The following GATA2 variants were observed in gnomAD, a reference collection of about 807,000 sequenced individuals.
The protein encoded by GATA2 is GATA binding protein 2.
GATA2 carries 6 observed loss-of-function variants against 35.7 expected under a neutral mutation model. That is an observed-to-expected ratio of 0.17 (90% CI 0.09 to 0.33). The LOEUF (loss-of-function observed/expected upper bound fraction) is 0.33. Among genes scored for constraint, GATA2 ranks in the 10% least tolerant of loss-of-function variants. GATA2 has a pLI of 1.00. For synonymous variants in GATA2, 313 were observed against 274.9 expected (o/e 1.14, Z -1.37); for missense variants, 541 against 656.6 (o/e 0.82, Z 1.92).
rs2068618258 is a variant in GATA2, at chr3:128,480,966, G to T, written c.*53C>A. On this transcript the variant is annotated 3_prime_UTR_variant, in exon 6 of 6. Transcript: ENST00000341105. Reference sequence around the variant, plus strand: ...CCTTCGGGAAATGCTGGGCTGCTAAGGGTTTGGTCCACCCATCCCGGGAGT... The same window carrying T: ...CCTTCGGGAAATGCTGGGCTGCTAATGGTTTGGTCCACCCATCCCGGGAGT... 6.8e-7 allele frequency: 1 copy of T among 1,480,634 alleles called. No individual in the cohort carries two copies. Among genetic ancestry groups the T allele is most frequent in the Admixed American group, 2.5e-5 (1 of 40,306 alleles). 91.7% of individuals were successfully genotyped at this position (1,480,634 alleles called of 1,614,324 possible).
rs747442262 is a variant in GATA2, at chr3:128,483,846, G to A, written c.1017+14C>T. ...CCCAGCAGCCCCCTCCCAGCCACCT[G>A]TGCCCGCTCCTACCAGTCTTCGCTT... On this transcript the variant is annotated intron_variant, in intron 4 of 5. Transcript: ENST00000341105. 1.6e-5 allele frequency: 26 copies of A among 1,614,034 alleles called. No individual in the cohort carries two copies. The Admixed American group carries it at 3.0e-4, about 19-fold the overall frequency.
chr3:128,491,382 A>G (rs1467640019), intron 1 of GATA2, among the ~76,000 whole-genome samples: 1 of 152,136 alleles, frequency 6.6e-6, no homozygotes, highest in East Asian at 1.9e-4. Flanking sequence ...CCCATTTGCT[A>G]AGGGACTACC....
chr3:128,492,870 C>T (rs1359082355), intron 1 of GATA2, 29 bp downstream of exon 1: 1 of 152,982 alleles, frequency 6.5e-6, no homozygotes, highest in Non-Finnish European at 1.5e-5. Flanking sequence ...GGGCCGGGCC[C>T]AGGGAAGGTG....
intron 1 of GATA2, 34 bp from the exon 2 acceptor site, chr3:128,487,110 A>C: frequency 8.3e-7 from 1 of 1,206,686 alleles, no homozygotes; most frequent in Non-Finnish European, 1.1e-6. Context: ...GCGTGCCGCC[A>C]GCGCCTGACA....
At chr3:128,485,039 G>C (rs769976653) in intron 3 of GATA2, among the ~76,000 whole-genome samples, 5 of 152,242 alleles carry the variant, frequency 3.3e-5, no homozygotes, top group Non-Finnish European at 4.4e-5. Context: ...TCTGTGGCCA[G>C]ATTCTTGGAC....
intron 3 of GATA2, among the ~76,000 whole-genome samples, chr3:128,484,930 CTG>C (rs1242606020): frequency 2.0e-5 from 3 of 152,202 alleles, no homozygotes; most frequent in Non-Finnish European, 4.4e-5. Context: ...TCAGGAGTAA[CTG>C]TTTTAAAAAC....
intron 1 of GATA2, chr3:128,487,892 T>G (rs2068726906): frequency 6.6e-6 from 1 of 152,334 alleles, no homozygotes; most frequent in Non-Finnish European, 1.5e-5. Flanking sequence ...CTCGGCATCC[T>G]CCGGCCGCCC....
At chr3:128,491,571 G>A (rs989360300) in intron 1 of GATA2, among the ~76,000 whole-genome samples, 1 of 152,300 alleles carries the variant, frequency 6.6e-6, no homozygotes, top group African/African-American at 2.4e-5. Flanking sequence ...CCCAAGGGGG[G>A]GACTACTGCT....
chr3:128,486,359 G>C lies in GATA2; in HGVS notation c.239C>G (p.Thr80Ser). The C allele has an allele frequency of 1.9e-6, 3 of 1,601,356 alleles. No homozygotes were observed. The highest frequency in any genetic ancestry group is 2.5e-6 in the Non-Finnish European group (3 of 1,177,976). The change falls in exon 3 of 6, where the codon ACC becomes AGC. Residue 80 changes from threonine (T) to serine (S), a missense_variant. Transcript: ENST00000341105. ...GTGTGGGCGGCACATCTGGCCTCCG[G>C]TCAGGCGGGCTGCGGGCAAAGAGAG... The part of the protein sequence containing the change: ...VSYSPAHARL[T>S]GGQMCRPHLL...
Position 128,480,913 on chromosome 3 carries a change from C to T in GATA2, c.*106G>A, listed in dbSNP as rs562315503. 106 of 1,316,546 alleles carry T rather than the reference C, an allele frequency of 8.1e-5. No homozygotes were observed. In the Admixed American group the frequency reaches 1.5e-3, roughly 18 times the overall value. 81.6% of individuals were successfully genotyped at this position (1,316,546 alleles called of 1,614,324 possible). On this transcript the variant is annotated 3_prime_UTR_variant, in exon 6 of 6. Transcript: ENST00000341105. ...CCCTCCAGGAGAGGGGGTGCTGGGC[C>T]GAGCCGGGCTGGCAGGAGTGGTGTC... is the stretch of plus-strand genomic sequence containing the variant.
Position 128,479,501 on chromosome 3 carries a change from G to A in GATA2, c.*1518C>T. ...AAGAGGATAGCATACATTTTTTACA[G>A]ACAATATATAAATGTTGTACATAAT... On this transcript the variant is annotated 3_prime_UTR_variant, in exon 6 of 6. Transcript: ENST00000341105. The A allele has an allele frequency of 8.6e-6, 2 of 233,158 alleles. No individual in the cohort carries two copies. The highest frequency in any genetic ancestry group is 8.5e-6 in the Non-Finnish European group (1 of 117,728). 14.4% of individuals were successfully genotyped at this position (233,158 alleles called of 1,614,324 possible).
chr3:128,483,811 C>T (rs767136280), intron 4 of GATA2, 49 bp downstream of exon 4: 9 of 1,613,616 alleles, frequency 5.6e-6, no homozygotes, highest in Non-Finnish European at 6.8e-6. Context: ...TAATTAACCG[C>T]CAGCTCCTGC....
chr3:128,480,337 T>A lies in GATA2; in HGVS notation c.*682A>T, dbSNP rs779512297. The A allele has an allele frequency of 1.2e-4, 27 of 233,292 alleles. No homozygotes were observed. Among genetic ancestry groups the A allele is most frequent in the Non-Finnish European group, 1.9e-4 (23 of 118,148 alleles). The allele number at this position is 233,292 out of a possible 1,614,324, so 14.5% of individuals were successfully genotyped here. On this transcript the variant is annotated 3_prime_UTR_variant, in exon 6 of 6. Coordinates refer to ENST00000341105, the MANE Select transcript of GATA2 (RefSeq NM_032638.5). ...CCAAGGGAGCGATCTGGGAGACGTTTCCCCTTTCAAGAAAATGTTGTTTCC... is the reference window on the plus strand; with the variant it reads ...CCAAGGGAGCGATCTGGGAGACGTTACCCCTTTCAAGAAAATGTTGTTTCC...
chr3:128,487,405 G>C (rs1258564137), intron 1 of GATA2, among the ~76,000 whole-genome samples: 2 of 151,574 alleles, frequency 1.3e-5, no homozygotes, highest in African/African-American at 4.8e-5. Context: ...CCCCCCGCCC[G>C]GTAGACAAAC....
intron 3 of GATA2, among the ~76,000 whole-genome samples, chr3:128,484,608 CTCTT>C (rs1576747449): frequency 1.3e-5 from 2 of 152,002 alleles, no homozygotes; most frequent in African/African-American, 4.8e-5. Context: ...AAATAATAAG[CTCTT>C]TCTTTTTTAG....
intron 2 of GATA2, 148 bp from the exon 3 acceptor site, chr3:128,486,516 G>A (rs2068702293): frequency 1.9e-6 from 2 of 1,032,744 alleles, no homozygotes; most frequent in African/African-American, 1.6e-5. Flanking sequence ...ATACCCCACC[G>A]GTAATAATCA....
At chr3:128,489,919 C>G (rs1247756915) in intron 1 of GATA2, 1 of 152,290 alleles carries the variant, frequency 6.6e-6, no homozygotes, top group Admixed American at 6.5e-5. Context: ...CTGCCCCGCT[C>G]GAGCGCGAAC....
rs1334503806 is a variant in GATA2, at chr3:128,480,769, CTTG to C, written c.*247_*249del. On this transcript the variant is annotated 3_prime_UTR_variant, in exon 6 of 6. Coordinates refer to ENST00000341105, the MANE Select transcript of GATA2 (RefSeq NM_032638.5). Reference sequence around the variant, plus strand: ...CTCCTTTTCTCTACATAAAGTTGTCCTTGTTGTTCTCCAAACAACTGTCCATGC... The same window carrying C: ...CTCCTTTTCTCTACATAAAGTTGTCCTTGTTCTCCAAACAACTGTCCATGC... The C allele has an allele frequency of 2.0e-6, 1 of 506,884 alleles. No homozygotes were observed. Among genetic ancestry groups the C allele is most frequent in the Non-Finnish European group, 3.5e-6 (1 of 289,528 alleles). The allele number at this position is 506,884 out of a possible 1,614,324, so 31.4% of individuals were successfully genotyped here.
intron 2 of GATA2, 141 bp from the exon 3 acceptor site, chr3:128,486,509 C>T (rs2068702205): frequency 9.4e-7 from 1 of 1,061,446 alleles, no homozygotes; most frequent in Non-Finnish European, 1.4e-6. Context: ...AAACATAATA[C>T]CCCACCGGTA....
Sources: gnomAD v4.1 joint callset for allele counts (sites outside exome capture counted in the v4.1 genomes callset) on GRCh38, gnomAD v4.1.1 for gene constraint, MANE v1.5 for transcripts, NCBI Gene and HGNC (gene_info 2026-07-23, HGNC 2026-07-21) for gene names.